The following CUL3 variants were observed in gnomAD, a reference collection of about 807,000 sequenced individuals.
CUL3 encodes cullin-3.
A neutral mutation model predicts 89.1 loss-of-function variants in CUL3; 19 were observed. The ratio of observed to expected loss-of-function variants is 0.21; its 90% CI spans 0.15 to 0.31. The LOEUF is 0.31. Ranked by LOEUF, CUL3 falls within the 10% of genes least tolerant of loss-of-function variation. The pLI is 1.00. For missense variants in CUL3, 469 were observed against 942.3 expected, an observed-to-expected ratio of 0.50 and a Z score of 6.58; for synonymous variants, 351 against 308.4, an observed-to-expected ratio of 1.14 and a Z score of -1.45.
At chr2:224,583,343 AG>A (rs1171041280) in intron 1 of CUL3, among the ~76,000 whole-genome samples, 1 of 152,220 alleles carries the variant, frequency 6.6e-6, no homozygotes, top group East Asian at 1.9e-4. Context: ...CCTGGGCAAC[AG>A]GAGCGAAACT....
intron 13 of CUL3, among the ~76,000 whole-genome samples, chr2:224,483,500 T>C (rs1691605244): frequency 6.6e-6 from 1 of 152,240 alleles, no homozygotes; most frequent in Admixed American, 6.5e-5. Flanking sequence ...TAAGGATGCC[T>C]ATCTTTACTA....
At chr2:224,539,539 T>G (rs113357810) in intron 2 of CUL3, among the ~76,000 whole-genome samples, 100 of 152,298 alleles carry the variant, frequency 6.6e-4, no homozygotes, top group African/African-American at 2.4e-3. Context: ...TTGCCACAAC[T>G]TGGAAGAAAC....
chr2:224,542,570 T>TGTGC (rs1553532539), intron 2 of CUL3, among the ~76,000 whole-genome samples: 21 of 150,994 alleles, frequency 1.4e-4, no homozygotes, highest in African/African-American at 4.4e-4. Context: ...TGTGTGTGTG[T>TGTGC]GCGCGCGCGC....
At chr2:224,575,570 T>C (rs997180794) in intron 1 of CUL3, among the ~76,000 whole-genome samples, 1 of 152,218 alleles carries the variant, frequency 6.6e-6, no homozygotes, top group Non-Finnish European at 1.5e-5. Flanking sequence ...AGCAACAAGA[T>C]AGAATAATTA....
At chr2:224,534,559 A>G (rs752602324) in intron 3 of CUL3, among the ~76,000 whole-genome samples, 7 of 152,240 alleles carry the variant, frequency 4.6e-5, no homozygotes, top group African/African-American at 9.6e-5. Flanking sequence ...ACAACTCTTA[A>G]GGAGATGTTA....
Position 224,576,225 on chromosome 2 carries a change from G to A in CUL3, c.66+8719C>T, listed in dbSNP as rs533712157. 2.6e-5 allele frequency among the ~76,000 whole-genome samples: 4 copies of A among 152,312 alleles called. No homozygotes were observed. The South Asian group carries it at 6.2e-4, about 24-fold the overall frequency. ...GATAAGCCTGAGAAATAGGGGACCA[G>A]AGTGTACAATTTAACAGTGTGACAG... On this transcript the variant is annotated intron_variant, in intron 1 of 15. Transcript: ENST00000264414.
At chr2:224,559,452 C>CA (rs34898102) in intron 1 of CUL3, among the ~76,000 whole-genome samples, 5,797 of 67,120 alleles carry the variant, frequency 0.086, 269 homozygotes, top group African/African-American at 0.16. Context: ...GATTGTGTCT[C>CA]AAAAAAAAAA....
intron 1 of CUL3, among the ~76,000 whole-genome samples, chr2:224,567,633 G>A (rs749047782): frequency 5.3e-5 from 8 of 151,864 alleles, no homozygotes; most frequent in South Asian, 4.2e-4. Flanking sequence ...CCAGCTACTC[G>A]GGAGGCTGAG....
intron 13 of CUL3, among the ~76,000 whole-genome samples, chr2:224,491,377 C>G (rs932116557): frequency 3.3e-5 from 5 of 152,086 alleles, no homozygotes; most frequent in African/African-American, 1.2e-4. Context: ...AATAAAACAT[C>G]CTTTTCTTCA....
intron 3 of CUL3, among the ~76,000 whole-genome samples, chr2:224,522,921 T>C (rs1162764944): frequency 6.6e-6 from 1 of 152,188 alleles, no homozygotes; most frequent in Non-Finnish European, 1.5e-5. Flanking sequence ...CATTTAAGAA[T>C]TGTCTACCAA....
At chr2:224,583,997 T>C (rs1307857780) in intron 1 of CUL3, among the ~76,000 whole-genome samples, 2 of 152,240 alleles carry the variant, frequency 1.3e-5, no homozygotes, top group African/African-American at 2.4e-5. Flanking sequence ...CCTTTTATTG[T>C]AGCGACATAG....
chr2:224,499,520 A>T, intron 11 of CUL3: 1 of 231,002 alleles, frequency 4.3e-6, no homozygotes, highest in Non-Finnish European at 9.7e-6. Flanking sequence ...GTTCACCAGT[A>T]GATGTTCTAG....
At position 224,572,521 on chromosome 2, in the gene CUL3, G is replaced by A. The variant is rs188388279; in HGVS notation, c.66+12423C>T. On this transcript the variant is annotated intron_variant, in intron 1 of 15. Coordinates refer to ENST00000264414, the MANE Select transcript of CUL3 (RefSeq NM_003590.5). Reference sequence around the variant, plus strand: ...AAATTGCTGCTGACCTGCACCTGTCGTCCCAGCTACCCAGGAGGCTGCGGT... The same window carrying A: ...AAATTGCTGCTGACCTGCACCTGTCATCCCAGCTACCCAGGAGGCTGCGGT... 5.3e-5 allele frequency among the ~76,000 whole-genome samples: 8 copies of A among 150,292 alleles called. No homozygotes were observed. In the East Asian group the frequency reaches 1.4e-3, roughly 26 times the overall value.
In CUL3 at chr2:224,471,616, A is replaced by C. The variant is rs1691133666; in HGVS notation, c.*2629T>G. ...ACACAGGTGACTCTAGCATACCTTT[A>C]GAAAGGCATGCATCTCTTCCCCCAT... On this transcript the variant is annotated 3_prime_UTR_variant, in exon 16 of 16. Coordinates refer to ENST00000264414, the MANE Select transcript of CUL3 (RefSeq NM_003590.5). 1.4e-5 allele frequency: 3 copies of C among 208,842 alleles called. No individual in the cohort carries two copies. Among genetic ancestry groups the C allele is most frequent in the Non-Finnish European group, 2.9e-5 (3 of 102,662 alleles). The allele number at this position is 208,842 out of a possible 1,614,324, so 12.9% of individuals were successfully genotyped here. A position where few individuals can be genotyped will look rare whatever the true frequency, so the allele number is the denominator to read the frequency against.
At chr2:224,544,422 C>T (rs914162700) in intron 2 of CUL3, among the ~76,000 whole-genome samples, 2 of 152,042 alleles carry the variant, frequency 1.3e-5, no homozygotes, top group Non-Finnish European at 2.9e-5. Flanking sequence ...CACTTAATGC[C>T]ATAACTTCTT....
At chr2:224,508,349 T>C (rs1692683024) in intron 6 of CUL3, among the ~76,000 whole-genome samples, 1 of 152,218 alleles carries the variant, frequency 6.6e-6, no homozygotes, top group African/African-American at 2.4e-5. Context: ...TTTTATAGCT[T>C]CTCACATACT....
intron 8 of CUL3, among the ~76,000 whole-genome samples, chr2:224,505,446 G>GT (rs1692562789): frequency 2.0e-5 from 3 of 151,970 alleles, no homozygotes; most frequent in South Asian, 2.1e-4. Context: ...CAGTTGTTCA[G>GT]TTTTTTTGAG....
intron 4 of CUL3, 53 bp from the exon 5 acceptor site, chr2:224,513,691 C>T (rs1423197452): frequency 1.4e-5 from 18 of 1,289,040 alleles, no homozygotes; most frequent in Non-Finnish European, 1.9e-5. Flanking sequence ...TAAAAATTCA[C>T]ATAAAAATTA....
chr2:224,547,408 G>C (rs924378396), intron 2 of CUL3, among the ~76,000 whole-genome samples: 25 of 151,918 alleles, frequency 1.6e-4, no homozygotes, highest in African/African-American at 5.8e-4. Flanking sequence ...TTCTCTCCTT[G>C]TTATCTACCG....
Sources: allele counts gnomAD v4.1 joint callset (sites outside exome capture counted in the v4.1 genomes callset), GRCh38; gene constraint gnomAD v4.1.1; transcripts MANE v1.5; gene names NCBI Gene and HGNC (gene_info 2026-07-23, HGNC 2026-07-21).